Variants in RBM42 observed in about 807,000 individuals in gnomAD.
RBM42 encodes the protein RNA-binding protein 42.
Under a neutral mutation model 41.4 loss-of-function variants are expected in RBM42, and 21 were observed. The observed-to-expected ratio is 0.51, with a 90% CI of 0.36 to 0.73. The LOEUF is 0.73. Ranked by LOEUF, RBM42 falls within the 30% of genes least tolerant of loss-of-function variation. The pLI is 0.00. For synonymous variants in RBM42, 272 were observed against 271.2 expected, an observed-to-expected ratio of 1.00 and a Z score of -0.03; for missense variants, 539 against 680.4, an observed-to-expected ratio of 0.79 and a Z score of 2.31.
Position 35,633,155 on chromosome 19 carries a change from C to A in RBM42, c.587C>A (p.Pro196His). ...RPPHQALVGPPLPGPPGPPMM... is the reference protein window; with the variant it reads ...RPPHQALVGPHLPGPPGPPMM... ...CCTCACCAGGCCCTCGTGGGCCCCC[C>A]TCTGCCTGGGCCCCCTGGACCACCC... Residue 196 changes from proline (P) to histidine (H), a missense_variant, in exon 6 of 10, where the codon CCT (proline) becomes CAT (histidine). Coordinates refer to ENST00000262633, the MANE Select transcript of RBM42 (RefSeq NM_024321.5). 1 of 1,583,068 alleles carries A rather than the reference C, an allele frequency of 6.3e-7. No individual in the cohort carries two copies. Among genetic ancestry groups the A allele is most frequent in the Non-Finnish European group, 8.7e-7 (1 of 1,151,966 alleles).
Position 35,637,083 on chromosome 19 carries a change from G to A in RBM42, c.1136-75G>A, listed in dbSNP as rs959764794. ...GCAGAGACTAGATACCTCCGAAAAGGTGGGATCGTTCAGACAAGGTAGACA... is the reference window on the plus strand; with the variant it reads ...GCAGAGACTAGATACCTCCGAAAAGATGGGATCGTTCAGACAAGGTAGACA... On this transcript the variant is annotated intron_variant, in intron 8 of 9. Coordinates refer to ENST00000262633, the MANE Select transcript of RBM42 (RefSeq NM_024321.5). This position sits in a 1 kb window ranked among gnomAD's most constrained non-coding sequence, Gnocchi z 7.0. 54 of 1,377,396 alleles carry A rather than the reference G, an allele frequency of 3.9e-5. No individual in the cohort carries two copies. Among genetic ancestry groups the A allele is most frequent in the Non-Finnish European group, 3.8e-5 (38 of 1,003,902 alleles). 85.3% of individuals were successfully genotyped at this position (1,377,396 alleles called of 1,614,324 possible).
At position 35,637,240 on chromosome 19, in the gene RBM42, C is replaced by T. The variant is rs755555561; in HGVS notation, c.1218C>T (p.Ser406=). 3 of 1,614,216 alleles carry T rather than the reference C, an allele frequency of 1.9e-6. No individual in the cohort carries two copies. Among genetic ancestry groups the T allele is most frequent in the South Asian group, 1.1e-5 (1 of 91,092 alleles). The change falls in exon 9 of 10, where the codon TCC becomes TCT. Residue 406 remains serine (S), a synonymous_variant. Coordinates refer to ENST00000262633, the MANE Select transcript of RBM42 (RefSeq NM_024321.5). This position sits in a 1 kb window ranked among gnomAD's most constrained non-coding sequence, Gnocchi z 7.0. ...CACGCGCCTTCAGCCGCTTCCCATC[C>T]TTCCTTAAGGCCAAGGTGATCCGTG... ...ILARAFSRFP[S]FLKAKVIRDK...
In RBM42 at chr19:35,629,103, G is replaced by T; in HGVS notation, c.-51G>T. The T allele has an allele frequency of 6.8e-7, 1 of 1,479,550 alleles. No homozygotes were observed. Among genetic ancestry groups the T allele is most frequent in the South Asian group, 1.3e-5 (1 of 77,572 alleles). The allele number at this position is 1,479,550 out of a possible 1,614,324, so 91.7% of individuals were successfully genotyped here. On this transcript the variant is annotated 5_prime_UTR_variant, in exon 1 of 10. Transcript: ENST00000262633. ...GGGGAGAGTAGACAGCAGAACCAGC[G>T]GCGGCGGCTAAGCAGAGACTGTAGT... is the stretch of plus-strand genomic sequence containing the variant.
rs1451191382 is a variant in RBM42, at chr19:35,629,647, A to G, written c.256A>G (p.Ile86Val). ...QVPAAPVIRP[I>V]IATNTYQQVQ... is the part of the protein sequence containing the mutation. ...CCCAGCGGCTCCTGTGATCCGCCCA[A>G]TTATCGCGACCAACACATACCAGCA... Residue 86 changes from isoleucine (I) to valine (V), a missense_variant, in exon 2 of 10, where the codon ATT (isoleucine) becomes GTT (valine). Ile to Val is a conservative substitution (Grantham distance 29). This residue lies in a region of RBM42 where 429 missense variants were observed against 488.9 expected (regional missense o/e 0.88). Coordinates refer to ENST00000262633, the MANE Select transcript of RBM42 (RefSeq NM_024321.5). The G allele has an allele frequency of 5.6e-6, 9 of 1,614,078 alleles. No individual in the cohort carries two copies. The highest frequency in any genetic ancestry group is 5.3e-5 in the African/African-American group (4 of 74,934).
chr19:35,631,313 C>CCT lies in RBM42; in HGVS notation c.368-14_368-13dup, dbSNP rs1425318375. The CCT allele has an allele frequency of 6.2e-7, 1 of 1,613,914 alleles. No individual in the cohort carries two copies. The highest frequency in any genetic ancestry group is 8.5e-7 in the Non-Finnish European group (1 of 1,179,898). On this transcript the variant is annotated splice_polypyrimidine_tract_variant and intron_variant, in intron 3 of 9. Transcript: ENST00000262633. ...CAGGACTCTCCTCCCACCATCCTTG[C>CCT]CTCTCCCCTCCCAACAGTTGGCTTT...
chr19:35,634,188 CCGGGGA>C (rs1967457010), intron 7 of RBM42, 62 bp from the exon 8 acceptor site: 2 of 1,577,920 alleles, frequency 1.3e-6, no homozygotes, highest in East Asian at 4.5e-5. Flanking sequence ...GGCAGGAGGG[CCGGGGA>C]CCAAAGGACA....
intron 6 of RBM42, 24 bp downstream of exon 6, chr19:35,633,276 G>C (rs114479525): frequency 1.8e-4 from 268 of 1,528,006 alleles, no homozygotes; most frequent in Non-Finnish European, 2.2e-4. Flanking sequence ...GGGAACTAAC[G>C]GTCAGATGTG....
intron 4 of RBM42, among the ~76,000 whole-genome samples, chr19:35,632,072 G>A (rs574325524): frequency 4.2e-4 from 64 of 152,222 alleles, no homozygotes; most frequent in Middle Eastern, 6.8e-3. Flanking sequence ...AAAAGGATGC[G>A]TGTTCTTACT....
chr19:35,630,095 C>G (rs573342181), intron 2 of RBM42, among the ~76,000 whole-genome samples: 1 of 152,178 alleles, frequency 6.6e-6, no homozygotes, highest in African/African-American at 2.4e-5. Flanking sequence ...GCGGGCAGAT[C>G]ACGAGGTCAA....
At chr19:35,632,842 TGA>T (rs1967427974) in intron 4 of RBM42, 92 bp from the exon 5 acceptor site, 1 of 707,228 alleles carries the variant, frequency 1.4e-6, no homozygotes, top group Non-Finnish European at 2.6e-6. Flanking sequence ...TTCTTGATGC[TGA>T]GAGTGCACAC....
chr19:35,634,305 T>C lies in RBM42; in HGVS notation c.1067T>C (p.Leu356Ser), dbSNP rs373101742. The C allele has an allele frequency of 9.9e-6, 16 of 1,613,952 alleles. No homozygotes were observed. Among genetic ancestry groups the C allele is most frequent in the African/African-American group, 2.7e-5 (2 of 74,888 alleles). Reference protein sequence around the residue: ...EDKKKGKPEKLKRCIRTAAGS... With the variant: ...EDKKKGKPEKSKRCIRTAAGS... ...AAGAAGAAGGGGAAGCCAGAGAAAT[T>C]GAAACGGTGCATTCGCACAGCGGCA... Residue 356 changes from leucine to serine, a missense_variant, in exon 8 of 10, where the codon TTG becomes TCG. By Grantham distance (145) the Leu-to-Ser change is moderately radical. Transcript: ENST00000262633.
chr19:35,630,021 A>G (rs2081962970), intron 2 of RBM42, among the ~76,000 whole-genome samples: 1 of 152,240 alleles, frequency 6.6e-6, no homozygotes, highest in Non-Finnish European at 1.5e-5. Context: ...TATTAAGATG[A>G]AAATAGGCTG....
Position 35,629,084 on chromosome 19 carries a change from A to G in RBM42, c.-70A>G, listed in dbSNP as rs899823681. ...GGAGCCCACCCGGACGAAGGGGGAG[A>G]GTAGACAGCAGAACCAGCGGCGGCG... On this transcript the variant is annotated 5_prime_UTR_variant, in exon 1 of 10. Coordinates refer to ENST00000262633, the MANE Select transcript of RBM42 (RefSeq NM_024321.5). 3.4e-6 allele frequency: 5 copies of G among 1,462,346 alleles called. No individual in the cohort carries two copies. Among genetic ancestry groups the G allele is most frequent in the African/African-American group, 2.9e-5 (2 of 69,146 alleles). 90.6% of individuals were successfully genotyped at this position (1,462,346 alleles called of 1,614,324 possible). A position where few individuals can be genotyped will look rare whatever the true frequency, so the allele number is the denominator to read the frequency against.
chr19:35,636,059 CCT>C (rs1444961923), intron 8 of RBM42, among the ~76,000 whole-genome samples: 2 of 152,148 alleles, frequency 1.3e-5, no homozygotes, highest in South Asian at 2.1e-4. Flanking sequence ...ACTTCCACCC[CCT>C]CTCCTGGGAC....
At position 35,634,393 on chromosome 19, in the gene RBM42, G is replaced by A. The variant is rs1293966037; in HGVS notation, c.1135+20G>A. ...ATGCAGGTAAGCTGCTGAAGCTCGAGGTCAGGCGTGGCTCGGCCAAGGTCA... is the reference window on the plus strand; with the variant it reads ...ATGCAGGTAAGCTGCTGAAGCTCGAAGTCAGGCGTGGCTCGGCCAAGGTCA... On this transcript the variant is annotated intron_variant, in intron 8 of 9. Coordinates refer to ENST00000262633, the MANE Select transcript of RBM42 (RefSeq NM_024321.5). The A allele has an allele frequency of 6.3e-7, 1 of 1,588,556 alleles. No homozygotes were observed. Among genetic ancestry groups the A allele is most frequent in the Non-Finnish European group, 8.6e-7 (1 of 1,157,874 alleles).
At chr19:35,632,717 A>G (rs1350073559) in intron 4 of RBM42, among the ~76,000 whole-genome samples, 3 of 151,824 alleles carry the variant, frequency 2.0e-5, no homozygotes, top group Non-Finnish European at 4.4e-5. Context: ...TGTCCCCAGC[A>G]TTGCCTGCCA....
chr19:35,633,073 A>T lies in RBM42; in HGVS notation c.509-4A>T. 1 of 1,612,796 alleles carries T rather than the reference A, an allele frequency of 6.2e-7. No homozygotes were observed. The highest frequency in any genetic ancestry group is 8.5e-7 in the Non-Finnish European group (1 of 1,178,854). On this transcript the variant is annotated splice_region_variant and splice_polypyrimidine_tract_variant and intron_variant, in intron 5 of 9. Coordinates refer to ENST00000262633, the MANE Select transcript of RBM42 (RefSeq NM_024321.5). ...CCTGGAACTCCCCACTAACACCCTG[A>T]CAGATTCCGCTCTCTCCTCTGCAGC...
At chr19:35,630,957 C>T (rs1002061874) in intron 2 of RBM42, among the ~76,000 whole-genome samples, 183 bp from the exon 3 acceptor site, 1 of 151,448 alleles carries the variant, frequency 6.6e-6, no homozygotes, top group Non-Finnish European at 1.5e-5. Context: ...AGAGAAGTTG[C>T]TGCTCAGAGA....
rs754853804 is a variant in RBM42 at position 35,634,272 on chromosome 19, G to C, written c.1034G>C (p.Gly345Ala). 6 of 1,614,194 alleles carry C rather than the reference G, an allele frequency of 3.7e-6. No individual in the cohort carries two copies. Among genetic ancestry groups the C allele is most frequent in the East Asian group, 4.5e-5 (2 of 44,876 alleles). ...CCTCTGCAGGTCCCAGAGCCCCTGGGTGAAGACAAGAAGAAGGGGAAGCCA... is the reference window on the plus strand; with the variant it reads ...CCTCTGCAGGTCCCAGAGCCCCTGGCTGAAGACAAGAAGAAGGGGAAGCCA... Reference protein sequence around the residue: ...LMALEVPEPLGEDKKKGKPEK... With the variant: ...LMALEVPEPLAEDKKKGKPEK... The change falls in exon 8 of 10, where the codon GGT becomes GCT. Residue 345 changes from glycine (G) to alanine (A), a missense_variant. By Grantham distance (60) the Gly-to-Ala change is moderately conservative. Around this residue, in one of 2 missense-constraint regions of RBM42, gnomAD observed 429 missense variants for 488.9 expected, o/e 0.88. Transcript: ENST00000262633.
Sources: gnomAD v4.1 joint callset for allele counts (sites outside exome capture counted in the v4.1 genomes callset) on GRCh38, gnomAD v4.1.1 for gene constraint, gnomAD v4.1.1 regional missense constraint, Gnocchi (gnomAD v3.1) non-coding constraint, MANE v1.5 for transcripts, NCBI Gene and HGNC (gene_info 2026-07-23, HGNC 2026-07-21) for gene names.